SRRM4: variants seen among roughly 807,000 people sequenced by gnomAD.
SRRM4 encodes the protein serine/arginine repetitive matrix protein 4.
In SRRM4, 33 loss-of-function variants were observed where a neutral mutation model predicts 68.9. That is an observed-to-expected ratio of 0.48 (90% CI 0.36 to 0.64). The LOEUF (loss-of-function observed/expected upper bound fraction) is 0.64. Ranked by LOEUF, SRRM4 falls within the 30% of genes least tolerant of loss-of-function variation. The pLI, the probability that SRRM4 is intolerant of heterozygous loss-of-function variation, is 0.00. For synonymous variants in SRRM4, 318 were observed against 318.8 expected (o/e 1.00, Z 0.03); for missense variants, 817 against 827.1 (o/e 0.99, Z 0.15).
chr12:119,074,625 T>C (rs1004536424), intron 1 of SRRM4, among the ~76,000 whole-genome samples: 5 of 152,154 alleles, frequency 3.3e-5, no homozygotes, highest in Middle Eastern at 3.2e-3. Flanking sequence ...AAGGAGATGC[T>C]TTTAAAAAGT....
intron 1 of SRRM4, among the ~76,000 whole-genome samples, chr12:119,041,289 A>C (rs1565895599): frequency 6.6e-6 from 1 of 152,168 alleles, no homozygotes; most frequent in South Asian, 2.1e-4. Flanking sequence ...GGTTGGAGTC[A>C]CACCTCTAAA....
intron 1 of SRRM4, among the ~76,000 whole-genome samples, chr12:118,986,910 C>A (rs542334173): frequency 6.6e-6 from 1 of 152,036 alleles, no homozygotes; most frequent in Non-Finnish European, 1.5e-5. Flanking sequence ...AAAAAAAAAT[C>A]TGTTTTTTTT....
intron 7 of SRRM4, 42 bp downstream of exon 7, chr12:119,125,521 G>C: frequency 6.4e-7 from 1 of 1,559,098 alleles, no homozygotes; most frequent in South Asian, 1.1e-5. Context: ...AGCCACAGCC[G>C]AGCCCAGGCT....
chr12:119,087,014 G>A (rs902771583), intron 1 of SRRM4, among the ~76,000 whole-genome samples: 10 of 152,292 alleles, frequency 6.6e-5, no homozygotes, highest in Admixed American at 2.6e-4. Context: ...GAGGATCTAC[G>A]CGTGGTTCCC....
intron 1 of SRRM4, among the ~76,000 whole-genome samples, chr12:119,072,866 G>T (rs1953886254): frequency 1.3e-5 from 2 of 152,124 alleles, no homozygotes; most frequent in South Asian, 4.1e-4. Context: ...TGTACAGAAG[G>T]AATAACTGGG....
chr12:119,008,831 C>T (rs774084226), intron 1 of SRRM4, among the ~76,000 whole-genome samples: 1 of 152,012 alleles, frequency 6.6e-6, no homozygotes, highest in Non-Finnish European at 1.5e-5. Flanking sequence ...CTAATTGATA[C>T]GGAGTTTCCC....
intron 1 of SRRM4, among the ~76,000 whole-genome samples, chr12:119,068,921 T>C (rs1953861867): frequency 6.6e-6 from 1 of 152,022 alleles, no homozygotes; most frequent in Non-Finnish European, 1.5e-5. Context: ...GATTTGGGGT[T>C]TATCTCATTC....
intron 1 of SRRM4, among the ~76,000 whole-genome samples, chr12:119,092,246 T>A (rs1202933264): frequency 6.6e-6 from 1 of 152,152 alleles, no homozygotes; most frequent in African/African-American, 2.4e-5. Flanking sequence ...TCCATCTTAC[T>A]CCCAGAAGAT....
At chr12:119,090,463 A>G (rs1202589823) in intron 1 of SRRM4, among the ~76,000 whole-genome samples, 1 of 152,134 alleles carries the variant, frequency 6.6e-6, no homozygotes, top group Admixed American at 6.5e-5. Flanking sequence ...GGATTCCACC[A>G]TAGAATTGGT....
Position 119,130,409 on chromosome 12 carries a change from A to ATG in SRRM4, c.615-269_615-268insTG, listed in dbSNP as rs1954289159. Among the ~76,000 whole-genome samples the ATG allele has an allele frequency of 4.7e-3, 674 of 142,542 alleles. 9 individuals carry two copies. Among genetic ancestry groups the ATG allele is most frequent in the African/African-American group, 0.018 (640 of 36,032 alleles). The allele number at this position is 142,542 out of a possible 152,430, so 93.5% of individuals were successfully genotyped here. A position where few individuals can be genotyped will look rare whatever the true frequency, so the allele number is the denominator to read the frequency against. ...TGGATGAATAGATGGTTGCTTAGAC[A>ATG]GATGGATGGATGGATGGATGGATGG... On this transcript the variant is annotated intron_variant, in intron 7 of 12. Coordinates refer to ENST00000267260, the MANE Select transcript of SRRM4 (RefSeq NM_194286.4).
chr12:119,017,521 T>C (rs951000811), intron 1 of SRRM4, among the ~76,000 whole-genome samples: 2 of 151,980 alleles, frequency 1.3e-5, no homozygotes, highest in Non-Finnish European at 2.9e-5. Flanking sequence ...CTGAGGAAGA[T>C]GGGAAGCAGC....
chr12:119,102,224 C>A lies in SRRM4; in HGVS notation c.132-12C>A, dbSNP rs558491338. ...TTCTAACACTTTTGTGTCCTTATTT[C>A]TTCTTCTGTAGGACAGAGCCCCAGA... On this transcript the variant is annotated splice_polypyrimidine_tract_variant and intron_variant, in intron 1 of 12. Transcript: ENST00000267260. The A allele has an allele frequency of 1.2e-6, 2 of 1,602,366 alleles. 1 individual carries two copies. Among genetic ancestry groups the A allele is most frequent in the South Asian group, 2.2e-5 (2 of 90,150 alleles).
chr12:119,012,018 A>T (rs1424960035), intron 1 of SRRM4, among the ~76,000 whole-genome samples: 1 of 152,218 alleles, frequency 6.6e-6, no homozygotes, highest in Non-Finnish European at 1.5e-5. Context: ...ATATCTAGTT[A>T]AGTGCTCAGT....
At chr12:119,136,824 C>T (rs541770159) in intron 8 of SRRM4, among the ~76,000 whole-genome samples, 1 of 152,268 alleles carries the variant, frequency 6.6e-6, no homozygotes, top group African/African-American at 2.4e-5. Flanking sequence ...TTCCCTCTGG[C>T]TCCTGCTTAA....
chr12:119,109,717 G>A (rs935861130), intron 2 of SRRM4, among the ~76,000 whole-genome samples: 5 of 150,034 alleles, frequency 3.3e-5, no homozygotes, highest in Non-Finnish European at 7.4e-5. Flanking sequence ...TTAGCCATTC[G>A]TCTAATCTTT....
chr12:119,079,799 T>C (rs1953937090), intron 1 of SRRM4, among the ~76,000 whole-genome samples: 1 of 152,118 alleles, frequency 6.6e-6, no homozygotes, highest in African/African-American at 2.4e-5. Flanking sequence ...GATCGCCTAG[T>C]CAATTACTAG....
chr12:119,114,660 CTTTT>C (rs68020424), intron 3 of SRRM4, among the ~76,000 whole-genome samples: 4,027 of 101,272 alleles, frequency 0.04, 46 homozygotes, highest in African/African-American at 0.053. Context: ...GAAGCATAGT[CTTTT>C]TTTTTTTTTT....
intron 10 of SRRM4, among the ~76,000 whole-genome samples, chr12:119,152,024 T>C (rs1386564631): frequency 1.3e-5 from 2 of 152,208 alleles, no homozygotes; most frequent in African/African-American, 2.4e-5. Context: ...GCTACCCAGT[T>C]TCAATAGCTA....
intron 1 of SRRM4, among the ~76,000 whole-genome samples, chr12:119,004,072 T>A (rs1953401501): frequency 6.6e-6 from 1 of 151,982 alleles, no homozygotes; most frequent in Admixed American, 6.5e-5. Context: ...TAAAAATGAG[T>A]CATGTGTTAT....
Sources: allele counts gnomAD v4.1 joint callset (sites outside exome capture counted in the v4.1 genomes callset), GRCh38; gene constraint gnomAD v4.1.1; transcripts MANE v1.5; gene names NCBI Gene and HGNC (gene_info 2026-07-23, HGNC 2026-07-21).